RALGPS1: variants seen among roughly 807,000 people sequenced by gnomAD.
RALGPS1 encodes the protein ras-specific guanine nucleotide-releasing factor RalGPS1.
Under a neutral mutation model 78.8 loss-of-function variants are expected in RALGPS1, and 19 were observed. That is an observed-to-expected ratio of 0.24 (90% CI 0.17 to 0.35). The LOEUF (loss-of-function observed/expected upper bound fraction) is 0.35. Ranked by LOEUF, RALGPS1 falls within the 10% of genes least tolerant of loss-of-function variation. The probability of loss-of-function intolerance (pLI) is 1.00; values close to 1 mark genes in which losing one functional copy is unlikely to be tolerated. For missense variants in RALGPS1, 454 were observed against 688.3 expected (o/e 0.66, Z 3.81); for synonymous variants, 228 against 256.3 (o/e 0.89, Z 1.06).
At position 127,002,224 on chromosome 9, in the gene RALGPS1, G is replaced by A. The variant is rs116736820; in HGVS notation, c.216+24479G>A. On this transcript the variant is annotated intron_variant, in intron 4 of 18. Transcript: ENST00000259351. ...TTATATAAATAGAATCATAAAATAC[G>A]TACATTTTGTCTGGCTTCTTTCACT... Among the ~76,000 whole-genome samples the A allele has an allele frequency of 4.8e-3, 730 of 152,168 alleles. 3 individuals are homozygous for A. The highest frequency in any genetic ancestry group is 0.016 in the African/African-American group (675 of 41,526).
chr9:126,970,231 T>G (rs2039974761), intron 3 of RALGPS1, among the ~76,000 whole-genome samples: 1 of 152,236 alleles, frequency 6.6e-6, no homozygotes, highest in East Asian at 1.9e-4. Flanking sequence ...GTTATCGTCA[T>G]CACCCCCAAA....
intron 1 of RALGPS1, among the ~76,000 whole-genome samples, chr9:126,938,026 T>C (rs1344906343): frequency 1.3e-5 from 2 of 152,174 alleles, no homozygotes; most frequent in Non-Finnish European, 2.9e-5. Context: ...TTGGGGAACA[T>C]GATCTGAAGA....
intron 9 of RALGPS1, among the ~76,000 whole-genome samples, chr9:127,167,014 C>T (rs1318031216): frequency 2.2e-5 from 3 of 138,676 alleles, no homozygotes; most frequent in East Asian, 4.2e-4. Flanking sequence ...GGAAGTCAGC[C>T]GTGAAGGGGG....
intron 8 of RALGPS1, among the ~76,000 whole-genome samples, chr9:127,141,444 T>G (rs964028390): frequency 6.6e-6 from 1 of 151,944 alleles, no homozygotes; most frequent in African/African-American, 2.4e-5. Context: ...AGAAGCACCC[T>G]TGGGGGTTTC....
At chr9:127,096,993 G>A (rs1356722015) in intron 8 of RALGPS1, among the ~76,000 whole-genome samples, 1 of 152,164 alleles carries the variant, frequency 6.6e-6, no homozygotes, top group Non-Finnish European at 1.5e-5. Flanking sequence ...CACCCAGGGG[G>A]TGTGCAGAGC....
At chr9:127,042,835 A>C (rs191247819) in intron 5 of RALGPS1, among the ~76,000 whole-genome samples, 10 of 152,346 alleles carry the variant, frequency 6.6e-5, no homozygotes, top group Admixed American at 1.3e-4. Flanking sequence ...TGCAGGACAC[A>C]GGCCAGTATA....
chr9:127,114,422 A>G (rs2055184283), intron 8 of RALGPS1, among the ~76,000 whole-genome samples: 1 of 152,252 alleles, frequency 6.6e-6, no homozygotes, highest in South Asian at 2.1e-4. Flanking sequence ...CATACTGTGA[A>G]TAAAGAGAAA....
chr9:127,032,464 A>T (rs2046512729), intron 4 of RALGPS1, among the ~76,000 whole-genome samples: 1 of 152,264 alleles, frequency 6.6e-6, no homozygotes, highest in Admixed American at 6.5e-5. Context: ...AAATTGGGCA[A>T]CAACCGTGCC....
chr9:127,030,392 T>A (rs933219454), intron 4 of RALGPS1, among the ~76,000 whole-genome samples: 41 of 151,482 alleles, frequency 2.7e-4, no homozygotes, highest in African/African-American at 1.0e-3. Context: ...GCCCGAAAGG[T>A]GGGGAGACAA....
intron 8 of RALGPS1, among the ~76,000 whole-genome samples, chr9:127,114,644 T>C (rs1229804014): frequency 6.6e-6 from 1 of 152,236 alleles, no homozygotes; most frequent in Non-Finnish European, 1.5e-5. Flanking sequence ...ACCCGTCCTC[T>C]GGTCAGCACT....
At chr9:127,140,745 CA>C (rs980774319) in intron 8 of RALGPS1, among the ~76,000 whole-genome samples, 1 of 152,088 alleles carries the variant, frequency 6.6e-6, no homozygotes, top group African/African-American at 2.4e-5. Flanking sequence ...AACCTCCCCC[CA>C]AAAAAATCTG....
intron 2 of RALGPS1, among the ~76,000 whole-genome samples, chr9:126,965,484 A>G (rs1201231259): frequency 2.0e-5 from 3 of 152,214 alleles, no homozygotes; most frequent in Admixed American, 2.0e-4. Flanking sequence ...AGAGAAAGTT[A>G]GGGTGTGGCA....
At chr9:126,962,425 C>T in intron 2 of RALGPS1, 79 bp downstream of exon 2, 1 of 1,423,336 alleles carries the variant, frequency 7.0e-7, no homozygotes. Context: ...GAGCCTTGGA[C>T]AGCGAGGCAG....
At chr9:126,936,220 C>CA (rs567111459) in intron 1 of RALGPS1, among the ~76,000 whole-genome samples, 80 of 152,310 alleles carry the variant, frequency 5.3e-4, no homozygotes, top group Non-Finnish European at 9.7e-4. Flanking sequence ...CAGGCAAAGA[C>CA]AAGTGACATT....
At chr9:127,088,817 C>G in intron 8 of RALGPS1, 1 of 1,160,262 alleles carries the variant, frequency 8.6e-7, no homozygotes, top group East Asian at 2.4e-5. Flanking sequence ...AAAACAGAAT[C>G]CAGCATCCCG....
intron 9 of RALGPS1, among the ~76,000 whole-genome samples, chr9:127,167,768 C>T (rs1366879688): frequency 6.6e-6 from 1 of 152,206 alleles, no homozygotes; most frequent in African/African-American, 2.4e-5. Context: ...CTCCAGAAAG[C>T]GAGGGTCCTT....
chr9:127,046,423 C>G (rs2047781149), intron 5 of RALGPS1, among the ~76,000 whole-genome samples: 1 of 152,008 alleles, frequency 6.6e-6, no homozygotes, highest in Non-Finnish European at 1.5e-5. Flanking sequence ...TTCTATATTT[C>G]TGTATTTTTG....
At chr9:127,078,899 A>G (rs528401962) in intron 8 of RALGPS1, among the ~76,000 whole-genome samples, 5 of 152,324 alleles carry the variant, frequency 3.3e-5, no homozygotes, top group Admixed American at 2.6e-4. Context: ...ATTGCACTGC[A>G]TTATCTCATT....
chr9:127,210,541 G>T, intron 14 of RALGPS1: 3 of 620,964 alleles, frequency 4.8e-6, no homozygotes, highest in Non-Finnish European at 8.6e-6. Flanking sequence ...CTTGTAGTGT[G>T]GCCGAGGAGG....
Sources: gnomAD v4.1 joint callset for allele counts (sites outside exome capture counted in the v4.1 genomes callset) on GRCh38, gnomAD v4.1.1 for gene constraint, MANE v1.5 for transcripts, NCBI Gene and HGNC (gene_info 2026-07-23, HGNC 2026-07-21) for gene names.